DHRSX: variants seen among roughly 807,000 people sequenced by gnomAD.
DHRSX encodes the protein dehydrogenase/reductase X-linked.
A neutral mutation model predicts 34.0 loss-of-function variants in DHRSX; 31 were observed. The ratio of observed to expected loss-of-function variants is 0.91; its 90% CI spans 0.69 to 1.23. DHRSX has a LOEUF of 1.23. Among genes scored for constraint, DHRSX ranks in the 50% most tolerant of loss-of-function variants. The pLI, the probability that DHRSX is intolerant of heterozygous loss-of-function variation, is 0.00. For missense variants in DHRSX, 414 were observed against 428.1 expected, an observed-to-expected ratio of 0.97 and a Z score of 0.29; for synonymous variants, 201 against 183.8, an observed-to-expected ratio of 1.09 and a Z score of -0.76.
At chrX:2,296,995 C>A (rs1329876859) in intron 3 of DHRSX, among the ~76,000 whole-genome samples, 1 of 144,404 alleles carries the variant, frequency 6.9e-6, no homozygotes, top group African/African-American at 2.6e-5. Context: ...AGGACCCAGG[C>A]AGATAGGAAT....
At chrX:2,412,087 T>C (rs2043637881) in intron 2 of DHRSX, among the ~76,000 whole-genome samples, 1 of 152,228 alleles carries the variant, frequency 6.6e-6, no homozygotes, top group Non-Finnish European at 1.5e-5. Flanking sequence ...TGGCCTCATA[T>C]GCATTTGCTG....
chrX:2,486,629 C>T (rs2044939418), intron 1 of DHRSX: 1 of 152,198 alleles, frequency 6.6e-6, no homozygotes, highest in African/African-American at 2.4e-5. Context: ...CAGAATGGAG[C>T]CCACGGAGGC....
rs1209630343 is a variant in DHRSX, at chrX:2,219,542, TTTTCA to T, written c.*1494_*1498del. ...AAGAGGCCAAACAATACATTTATTA[TTTTCA>T]TTTAAGTTGCTTATCAGGGCAACCT... On this transcript the variant is annotated 3_prime_UTR_variant, in exon 7 of 7. Transcript: ENST00000334651. 4.6e-5 allele frequency: 7 copies of T among 152,138 alleles called. No homozygotes were observed. Among genetic ancestry groups the T allele is most frequent in the African/African-American group, 1.2e-4 (5 of 41,428 alleles). 9.4% of individuals were successfully genotyped at this position (152,138 alleles called of 1,614,324 possible).
At chrX:2,362,551 A>G (rs900321372) in intron 3 of DHRSX, among the ~76,000 whole-genome samples, 17 of 152,144 alleles carry the variant, frequency 1.1e-4, no homozygotes, top group South Asian at 4.1e-4. Flanking sequence ...CGCCCACCAC[A>G]GCCTCCCAAA....
chrX:2,432,424 A>G (rs967694476), intron 1 of DHRSX, among the ~76,000 whole-genome samples: 16 of 152,140 alleles, frequency 1.1e-4, no homozygotes, highest in Non-Finnish European at 1.8e-4. Context: ...GAAAATTCTG[A>G]TATGTACAAA....
At chrX:2,440,875 A>G (rs2044054176) in intron 1 of DHRSX, among the ~76,000 whole-genome samples, 1 of 152,144 alleles carries the variant, frequency 6.6e-6, no homozygotes, top group Non-Finnish European at 1.5e-5. Flanking sequence ...TCATATACAC[A>G]TCAGTCCTAT....
Position 2,419,519 on chromosome X carries a change from G to A in DHRSX, c.217+5678C>T, listed in dbSNP as rs1248100196. The stretch of plus-strand genomic sequence containing the variant: ...TGCTGCTATAAAGACACACGCACAC[G>A]TATGTTTATAGCAGCACTATTCACA... On this transcript the variant is annotated intron_variant, in intron 2 of 6. Coordinates refer to ENST00000334651, the MANE Select transcript of DHRSX (RefSeq NM_145177.3). Among the ~76,000 whole-genome samples, 19 of 152,138 alleles carry A rather than the reference G, an allele frequency of 1.2e-4. No individual in the cohort carries two copies. The East Asian group carries it at 2.1e-3, about 17-fold the overall frequency.
chrX:2,288,554 G>A (rs2041831675), intron 4 of DHRSX, among the ~76,000 whole-genome samples: 1 of 152,204 alleles, frequency 6.6e-6, no homozygotes, highest in Non-Finnish European at 1.5e-5. Context: ...CCGGGTTGGA[G>A]GCCATGGGTG....
rs746520484 is a variant in DHRSX at position 2,294,308 on chromosome X, C to T, written c.287-2705G>A. On this transcript the variant is annotated intron_variant, in intron 3 of 6. Transcript: ENST00000334651. Reference sequence around the variant, plus strand: ...CCTGTAATCCCAGCACTTTAGGAGGCGAAGGCAGGCAGATCACGTGAGGTC... The same window carrying T: ...CCTGTAATCCCAGCACTTTAGGAGGTGAAGGCAGGCAGATCACGTGAGGTC... 3.9e-5 allele frequency among the ~76,000 whole-genome samples: 6 copies of T among 152,142 alleles called. No homozygotes were observed. In the South Asian group the frequency reaches 8.3e-4, roughly 21 times the overall value.
At chrX:2,476,108 C>T (rs1207931671) in intron 1 of DHRSX, among the ~76,000 whole-genome samples, 5 of 152,176 alleles carry the variant, frequency 3.3e-5, no homozygotes, top group Non-Finnish European at 7.4e-5. Flanking sequence ...AAACAGACAG[C>T]TGGCCGCCAT....
chrX:2,246,726 AAG>A (rs2016300345), intron 5 of DHRSX, among the ~76,000 whole-genome samples: 2 of 113,646 alleles, frequency 1.8e-5, no homozygotes, highest in Non-Finnish European at 2.2e-5. Flanking sequence ...GAAAGAAAGA[AAG>A]AAAGAAAGAA....
chrX:2,228,785 T>C (rs1478875989), intron 6 of DHRSX, among the ~76,000 whole-genome samples: 1 of 152,092 alleles, frequency 6.6e-6, no homozygotes, highest in African/African-American at 2.4e-5. Flanking sequence ...CACAGAGATA[T>C]TTGCCTGTGA....
chrX:2,441,857 G>A (rs986305026), intron 1 of DHRSX, among the ~76,000 whole-genome samples: 3 of 152,126 alleles, frequency 2.0e-5, no homozygotes, highest in Admixed American at 2.0e-4. Flanking sequence ...TGGATCACGA[G>A]GTCAGGAGTT....
intron 4 of DHRSX, among the ~76,000 whole-genome samples, chrX:2,276,680 T>G (rs2041657477): frequency 6.7e-6 from 1 of 149,586 alleles, no homozygotes; most frequent in Non-Finnish European, 1.5e-5. Context: ...AGTTCTCCGC[T>G]CTCCAAGCGG....
intron 6 of DHRSX, among the ~76,000 whole-genome samples, chrX:2,233,370 G>C (rs1179662371): frequency 7.1e-5 from 2 of 28,022 alleles, no homozygotes; most frequent in Non-Finnish European, 1.0e-4. Flanking sequence ...TTTATCTACA[G>C]CTTTTTTTTT....
chrX:2,498,720 C>G (rs762924804), intron 1 of DHRSX, among the ~76,000 whole-genome samples: 1 of 152,202 alleles, frequency 6.6e-6, no homozygotes, highest in South Asian at 2.1e-4. Context: ...TGCAGGAACC[C>G]CGGCCTCTTC....
rs2044476260 is a variant in DHRSX at position 2,465,327 on chromosome X, C to A, written c.109+35490G>T. Among the ~76,000 whole-genome samples the A allele has an allele frequency of 2.0e-5, 3 of 152,124 alleles. No homozygotes were observed. The South Asian group carries it at 6.2e-4, about 32-fold the overall frequency. ...TGGCGTGTTGTAACTGCAGTAATTA[C>A]CAAGACATAACAGGATCTAATCGCT... is the stretch of plus-strand genomic sequence containing the variant. On this transcript the variant is annotated intron_variant, in intron 1 of 6. Transcript: ENST00000334651.
At chrX:2,292,536 G>A (rs932890801) in intron 3 of DHRSX, among the ~76,000 whole-genome samples, 1 of 152,024 alleles carries the variant, frequency 6.6e-6, no homozygotes, top group South Asian at 2.1e-4. Context: ...TACACAAAAT[G>A]ACTCAGAAGC....
intron 6 of DHRSX, among the ~76,000 whole-genome samples, chrX:2,223,735 T>G (rs1029481633): frequency 6.6e-5 from 10 of 151,936 alleles, no homozygotes; most frequent in Non-Finnish European, 1.5e-5. Context: ...TGTTTCATGC[T>G]TCTCTCTTTT....
Sources: gnomAD v4.1 joint callset for allele counts (sites outside exome capture counted in the v4.1 genomes callset) on GRCh38, gnomAD v4.1.1 for gene constraint, MANE v1.5 for transcripts, NCBI Gene and HGNC (gene_info 2026-07-23, HGNC 2026-07-21) for gene names.